The following USP34 variants were observed in gnomAD, a reference collection of about 807,000 sequenced individuals.
USP34 encodes the protein ubiquitin carboxyl-terminal hydrolase 34.
USP34 carries 70 observed loss-of-function variants against 460.3 expected under a neutral mutation model. The ratio of observed to expected loss-of-function variants is 0.15; its 90% CI spans 0.13 to 0.19. The LOEUF (loss-of-function observed/expected upper bound fraction) is 0.19, where lower values mean the gene tolerates loss of function less well. USP34 is among the 10% of genes least tolerant of loss of function. USP34 has a pLI of 1.00. For synonymous variants in USP34, 1,647 were observed against 1,405.3 expected, an observed-to-expected ratio of 1.17 and a Z score of -3.85; for missense variants, 3,985 against 4,236.2, an observed-to-expected ratio of 0.94 and a Z score of 1.65.
intron 1 of USP34, among the ~76,000 whole-genome samples, chr2:61,454,594 G>T (rs879886124): frequency 1.3e-5 from 2 of 152,094 alleles, no homozygotes; most frequent in East Asian, 3.9e-4. Context: ...CTGTCGCCCA[G>T]ACTACAGTGA....
chr2:61,417,981 T>C (rs1481194924), intron 2 of USP34, among the ~76,000 whole-genome samples: 1 of 151,706 alleles, frequency 6.6e-6, no homozygotes, highest in African/African-American at 2.4e-5. Flanking sequence ...ACTCAAGTGA[T>C]CCACCTCCCT....
At chr2:61,199,176 A>G (rs1686895905) in intron 75 of USP34, among the ~76,000 whole-genome samples, 1 of 152,156 alleles carries the variant, frequency 6.6e-6, no homozygotes. Context: ...TGTCCTAGGT[A>G]GCATGGTCTT....
chr2:61,207,708 C>T (rs912519296), intron 70 of USP34: 2 of 152,178 alleles, frequency 1.3e-5, no homozygotes, highest in African/African-American at 4.8e-5. Context: ...ACAACCAAAG[C>T]AGCATAAACA....
chr2:61,417,019 T>TTCTTCCAGATGTGGA, intron 2 of USP34: 1 of 1,315,804 alleles, frequency 7.6e-7, no homozygotes, highest in Non-Finnish European at 1.1e-6. Context: ...GAAGCCCCAC[T>TTCTTCCAGATGTGGA]TCTTCCAGAT....
intron 15 of USP34, among the ~76,000 whole-genome samples, chr2:61,344,782 G>C (rs1691713693): frequency 1.3e-5 from 2 of 152,156 alleles, no homozygotes; most frequent in African/African-American, 4.8e-5. Context: ...TATAATGCAA[G>C]ATAGTGAGCC....
intron 41 of USP34, among the ~76,000 whole-genome samples, chr2:61,272,959 T>C (rs991171466): frequency 2.6e-5 from 4 of 151,872 alleles, no homozygotes; most frequent in African/African-American, 9.7e-5. Flanking sequence ...CAAAAACAAA[T>C]GAAGAACCAA....
intron 27 of USP34, among the ~76,000 whole-genome samples, chr2:61,306,583 G>A (rs1160721864): frequency 1.3e-5 from 2 of 152,186 alleles, no homozygotes; most frequent in Non-Finnish European, 2.9e-5. Context: ...GAACTTTAAA[G>A]TAGTCCAATT....
chr2:61,395,029 T>C (rs1223878788), intron 4 of USP34, 27 bp from the exon 5 acceptor site: 1 of 1,558,912 alleles, frequency 6.4e-7, no homozygotes, highest in Non-Finnish European at 8.6e-7. Context: ...AACATGTCAT[T>C]ATTTGAAAAC....
intron 1 of USP34, among the ~76,000 whole-genome samples, chr2:61,433,908 C>A (rs1209255685): frequency 6.6e-6 from 1 of 152,154 alleles, no homozygotes; most frequent in Non-Finnish European, 1.5e-5. Flanking sequence ...CAAGGCCACA[C>A]AGGTGAATGA....
intron 1 of USP34, among the ~76,000 whole-genome samples, chr2:61,463,979 G>T (rs1470473615): frequency 1.3e-5 from 2 of 152,036 alleles, no homozygotes; most frequent in African/African-American, 2.4e-5. Flanking sequence ...CTCCCTCAAA[G>T]AACTGATTAA....
intron 34 of USP34, 134 bp from the exon 35 acceptor site, chr2:61,285,091 TTATC>T (rs1297105388): frequency 1.6e-6 from 1 of 621,608 alleles, no homozygotes; most frequent in Non-Finnish European, 2.8e-6. Flanking sequence ...ATTTTGATAT[TTATC>T]TATAACACAA....
intron 1 of USP34, among the ~76,000 whole-genome samples, chr2:61,469,790 C>T (rs887452159): frequency 3.3e-5 from 5 of 152,194 alleles, no homozygotes; most frequent in African/African-American, 1.2e-4. Context: ...CCAACTAGGC[C>T]TTTACGCCCA....
At chr2:61,291,359 T>G (rs905527523) in intron 33 of USP34, among the ~76,000 whole-genome samples, 1 of 152,150 alleles carries the variant, frequency 6.6e-6, no homozygotes, top group Non-Finnish European at 1.5e-5. Context: ...ATGTAAAATG[T>G]TGCAGCTTTG....
At chr2:61,234,077 G>T (rs989310243) in intron 57 of USP34, among the ~76,000 whole-genome samples, 2 of 152,282 alleles carry the variant, frequency 1.3e-5, no homozygotes, top group African/African-American at 4.8e-5. Flanking sequence ...TTGAAGTTGA[G>T]GAACAGGTAT....
chr2:61,208,275 C>T (rs1042632058), intron 70 of USP34: 2 of 152,228 alleles, frequency 1.3e-5, no homozygotes, highest in African/African-American at 4.8e-5. Context: ...CTCTCACATA[C>T]CTGTGACCAG....
At chr2:61,427,224 T>G (rs919200858) in intron 1 of USP34, among the ~76,000 whole-genome samples, 1 of 152,192 alleles carries the variant, frequency 6.6e-6, no homozygotes, top group Non-Finnish European at 1.5e-5. Context: ...GAGACAGGGT[T>G]TCACCATGTT....
chr2:61,271,141 AC>A (rs1689201359), intron 41 of USP34, among the ~76,000 whole-genome samples: 1 of 152,018 alleles, frequency 6.6e-6, no homozygotes, highest in Admixed American at 6.6e-5. Flanking sequence ...CAAAACAACA[AC>A]AACAAAAATT....
intron 1 of USP34, among the ~76,000 whole-genome samples, chr2:61,436,595 A>G (rs1694820202): frequency 1.3e-5 from 2 of 152,210 alleles, no homozygotes; most frequent in South Asian, 4.1e-4. Flanking sequence ...CCTCAACATA[A>G]TAATAGTTGG....
chr2:61,449,785 T>A (rs1174694588), intron 1 of USP34, among the ~76,000 whole-genome samples: 2 of 152,084 alleles, frequency 1.3e-5, no homozygotes, highest in Admixed American at 1.3e-4. Flanking sequence ...TGAAGTTGTA[T>A]CAGCCGGCGC....
Sources: allele counts gnomAD v4.1 joint callset (sites outside exome capture counted in the v4.1 genomes callset), GRCh38; gene constraint gnomAD v4.1.1; transcripts MANE v1.5; gene names NCBI Gene and HGNC (gene_info 2026-07-23, HGNC 2026-07-21).